Variants in HSD17B12 observed in about 807,000 individuals in gnomAD.
The protein encoded by HSD17B12 is hydroxysteroid 17-beta dehydrogenase 12.
A neutral mutation model predicts 39.3 loss-of-function variants in HSD17B12; 32 were observed. That is an observed-to-expected ratio of 0.81 (90% CI 0.61 to 1.09). HSD17B12 has a LOEUF of 1.09. Ranked by LOEUF, HSD17B12 falls within the 50% of genes least tolerant of loss-of-function variation. The pLI, the probability that HSD17B12 is intolerant of heterozygous loss-of-function variation, is 0.00. For missense variants in HSD17B12, 342 were observed against 382.9 expected, an observed-to-expected ratio of 0.89 and a Z score of 0.89; for synonymous variants, 150 against 146.7, an observed-to-expected ratio of 1.02 and a Z score of -0.16.
intron 1 of HSD17B12, among the ~76,000 whole-genome samples, chr11:43,730,009 T>C (rs1302324339): frequency 6.6e-6 from 1 of 150,950 alleles, no homozygotes; most frequent in Non-Finnish European, 1.5e-5. Flanking sequence ...CAGCTCTGAC[T>C]TGACATACTG....
intron 9 of HSD17B12, among the ~76,000 whole-genome samples, chr11:43,842,119 A>G (rs1010707783): frequency 1.3e-5 from 2 of 152,208 alleles, no homozygotes; most frequent in Non-Finnish European, 2.9e-5. Context: ...CTGTAAGTCA[A>G]CATTGAACAC....
Position 43,754,953 on chromosome 11 carries a change from A to T in HSD17B12, c.283+832A>T, listed in dbSNP as rs185819017. ...ACTCAATCAACCAGATGGATAAACC[A>T]ATGCTGTTCATTTGTTTGGTAAAAC... On this transcript the variant is annotated intron_variant, in intron 3 of 10. Coordinates refer to ENST00000278353, the MANE Select transcript of HSD17B12 (RefSeq NM_016142.3). 1.9e-5 allele frequency: 14 copies of T among 722,298 alleles called. No homozygotes were observed. The East Asian group carries it at 3.6e-4, about 18-fold the overall frequency. 44.7% of individuals were successfully genotyped at this position (722,298 alleles called of 1,614,324 possible). A position where few individuals can be genotyped will look rare whatever the true frequency, so the allele number is the denominator to read the frequency against.
intron 9 of HSD17B12, among the ~76,000 whole-genome samples, chr11:43,841,597 A>C (rs1485323964): frequency 6.6e-6 from 1 of 152,232 alleles, no homozygotes; most frequent in Non-Finnish European, 1.5e-5. Context: ...AATGCTGTGA[A>C]AACACAAAAT....
the HSD17B12 span, among the ~76,000 whole-genome samples, chr11:43,623,205 AT>A: frequency 6.6e-6 from 1 of 152,126 alleles, no homozygotes; most frequent in Non-Finnish European, 1.5e-5. Context: ...AGAGAAAATA[AT>A]TTATTTAAAA....
At chr11:43,734,159 G>A in intron 1 of HSD17B12, 1 of 1,567,110 alleles carries the variant, frequency 6.4e-7, no homozygotes, top group East Asian at 2.3e-5. Context: ...CTTTGATGCT[G>A]GAGAACTAAT....
chr11:43,816,405 T>C lies in HSD17B12; in HGVS notation c.501+14T>C, dbSNP rs181743173. ...TCTGTTTGTAAGGTAAGCATCCTTG[T>C]TATAAAGATGTCATCCTTTTTTGGT... is the stretch of plus-strand genomic sequence containing the variant. On this transcript the variant is annotated intron_variant, in intron 6 of 10. Transcript: ENST00000278353. 816 of 1,515,660 alleles carry C rather than the reference T, an allele frequency of 5.4e-4. 7 individuals carry two copies. The highest frequency in any genetic ancestry group is 4.5e-5 in the Non-Finnish European group (50 of 1,123,292). 93.9% of individuals were successfully genotyped at this position (1,515,660 alleles called of 1,614,324 possible). A position where few individuals can be genotyped will look rare whatever the true frequency, so the allele number is the denominator to read the frequency against.
intron 1 of HSD17B12, among the ~76,000 whole-genome samples, chr11:43,693,253 G>A (rs1408328836): frequency 6.6e-6 from 1 of 152,154 alleles, no homozygotes; most frequent in Non-Finnish European, 1.5e-5. Context: ...ACAGCAAAGT[G>A]GAAGAGATTT....
At chr11:43,839,852 T>C in intron 8 of HSD17B12, 147 bp from the exon 9 acceptor site, 1 of 673,734 alleles carries the variant, frequency 1.5e-6, no homozygotes, top group Non-Finnish European at 2.5e-6. Context: ...CAGGTGTTTT[T>C]CTAAGTTCTC....
intron 1 of HSD17B12, among the ~76,000 whole-genome samples, chr11:43,729,368 T>C (rs569478816): frequency 1.8e-4 from 28 of 152,360 alleles, no homozygotes; most frequent in Middle Eastern, 3.4e-3. Context: ...TATTAATTTT[T>C]AAATTAATTA....
chr11:43,623,008 G>A, the HSD17B12 span, among the ~76,000 whole-genome samples: 4 of 151,802 alleles, frequency 2.6e-5, no homozygotes, highest in South Asian at 4.1e-4. Flanking sequence ...CCATTTATGA[G>A]GCCAAAAAGA....
At chr11:43,582,995 T>G in the HSD17B12 span, among the ~76,000 whole-genome samples, 1 of 152,204 alleles carries the variant, frequency 6.6e-6, no homozygotes, top group African/African-American at 2.4e-5. Flanking sequence ...GAGCGATAGC[T>G]TTGCGGAGGG....
intron 3 of HSD17B12, among the ~76,000 whole-genome samples, chr11:43,765,532 G>T (rs1950588134): frequency 6.7e-6 from 1 of 149,424 alleles, no homozygotes; most frequent in African/African-American, 2.5e-5. Flanking sequence ...CTTGGAGTTT[G>T]TTAAGCTTAA....
chr11:43,619,247 T>TATATATATATGATATATATATAAAAA, the HSD17B12 span, among the ~76,000 whole-genome samples: 1 of 50,296 alleles, frequency 2.0e-5, no homozygotes, highest in Admixed American at 3.0e-4. Flanking sequence ...ATATATAAAA[T>TATATATATATGATATATATATAAAAA]ATATATATAT....
intron 1 of HSD17B12, among the ~76,000 whole-genome samples, chr11:43,703,041 T>C (rs969289308): frequency 8.5e-5 from 13 of 152,202 alleles, no homozygotes; most frequent in Non-Finnish European, 1.5e-4. Context: ...GTTGTTTTTT[T>C]TGTTTGATGT....
At chr11:43,645,600 C>G in the HSD17B12 span, 1 of 152,086 alleles carries the variant, frequency 6.6e-6, no homozygotes, top group Non-Finnish European at 1.5e-5. Flanking sequence ...CTAAATAAAC[C>G]ACTTTCATAT....
chr11:43,718,615 CAT>C (rs1950147412), intron 1 of HSD17B12: 6 of 609,750 alleles, frequency 9.8e-6, no homozygotes, highest in East Asian at 2.8e-5. Context: ...CATCTGGGCA[CAT>C]GTTACTAAGT....
chr11:43,632,535 A>AT, the HSD17B12 span, among the ~76,000 whole-genome samples: 2 of 151,808 alleles, frequency 1.3e-5, no homozygotes, highest in Non-Finnish European at 2.9e-5. Flanking sequence ...TGTATTTGCC[A>AT]TTTTTTTTCC....
At chr11:43,852,606 AT>A (rs1951542817) in intron 9 of HSD17B12, 1 of 152,162 alleles carries the variant, frequency 6.6e-6, no homozygotes, top group Admixed American at 6.5e-5. Flanking sequence ...ACTCTGGGAA[AT>A]AACCTTTTCT....
the HSD17B12 span, chr11:43,645,061 G>A: frequency 6.6e-6 from 1 of 152,182 alleles, no homozygotes; most frequent in Non-Finnish European, 1.5e-5. Flanking sequence ...TGGAAATTAG[G>A]TTTGCTTTGA....
Sources: allele counts gnomAD v4.1 joint callset (sites outside exome capture counted in the v4.1 genomes callset), GRCh38; gene constraint gnomAD v4.1.1; transcripts MANE v1.5; gene names NCBI Gene and HGNC (gene_info 2026-07-23, HGNC 2026-07-21).